Variants in SLC28A1 observed in about 807,000 individuals in gnomAD.
SLC28A1 encodes the protein sodium/nucleoside cotransporter 1.
In SLC28A1, 64 loss-of-function variants were observed where a neutral mutation model predicts 74.8. The ratio of observed to expected loss-of-function variants is 0.86; its 90% CI spans 0.70 to 1.05. The LOEUF (loss-of-function observed/expected upper bound fraction) is 1.05. Among genes scored for constraint, SLC28A1 ranks in the 50% least tolerant of loss-of-function variants. The pLI is 0.00. For synonymous variants in SLC28A1, 359 were observed against 335.0 expected (o/e 1.07, Z -0.78); for missense variants, 828 against 822.8 (o/e 1.01, Z -0.08).
rs1181072560 is a variant in SLC28A1 at position 84,918,669 on chromosome 15, C to A, written c.876+65C>A. 23 of 1,205,582 alleles carry A rather than the reference C, an allele frequency of 1.9e-5. No individual in the cohort carries two copies. In the East Asian group the frequency reaches 5.3e-4, roughly 28 times the overall value. 74.7% of individuals were successfully genotyped at this position (1,205,582 alleles called of 1,614,324 possible). The stretch of plus-strand genomic sequence containing the variant: ...CACCAGCTCACAGGGTTCACACTGT[C>A]CCAGAATGCCTTGCTCCCAGAGCCC... On this transcript the variant is annotated intron_variant, in intron 10 of 18. Coordinates refer to ENST00000394573, the MANE Select transcript of SLC28A1 (RefSeq NM_004213.5).
At chr15:84,900,110 A>G (rs1966500286) in intron 6 of SLC28A1, among the ~76,000 whole-genome samples, 2 of 152,066 alleles carry the variant, frequency 1.3e-5, no homozygotes, top group Non-Finnish European at 2.9e-5. Flanking sequence ...TAAGCCCAGG[A>G]GTTCAAGACC....
Position 84,935,041 on chromosome 15 carries a change from C to T in SLC28A1, c.1230C>T (p.Leu410=), listed in dbSNP as rs1258387945. ...CCAACAACAGAGATGCTCAGAACCT[C>T]ATAGAAGCAGCCAGCACTGGGGCCG... ...VKLTYGDAQN[L]IEAASTGAAI... is the part of the protein sequence containing the mutation. The change falls in exon 14 of 19, where the codon CTC becomes CTT. Residue 410 remains leucine, a synonymous_variant. Coordinates refer to ENST00000394573, the MANE Select transcript of SLC28A1 (RefSeq NM_004213.5). 7 of 1,614,110 alleles carry T rather than the reference C, an allele frequency of 4.3e-6. No individual in the cohort carries two copies. Among genetic ancestry groups the T allele is most frequent in the Non-Finnish European group, 5.9e-6 (7 of 1,179,942 alleles).
rs570116442 is a variant in SLC28A1 at position 84,918,754 on chromosome 15, G to T, written c.876+150G>T. Reference sequence around the variant, plus strand: ...ACCCTTCCAGAGTCCCCTGTTCCCAGTGCCTCCACCTTCCCAGAATCCCCA... The same window carrying T: ...ACCCTTCCAGAGTCCCCTGTTCCCATTGCCTCCACCTTCCCAGAATCCCCA... On this transcript the variant is annotated intron_variant, in intron 10 of 18. Coordinates refer to ENST00000394573, the MANE Select transcript of SLC28A1 (RefSeq NM_004213.5). The T allele has an allele frequency of 7.6e-5, 56 of 732,240 alleles. No homozygotes were observed. The African/African-American group carries it at 9.1e-4, about 12-fold the overall frequency. The allele number at this position is 732,240 out of a possible 1,614,324, so 45.4% of individuals were successfully genotyped here.
chr15:84,925,611 A>T (rs1389954391), intron 12 of SLC28A1, among the ~76,000 whole-genome samples: 2 of 152,134 alleles, frequency 1.3e-5, no homozygotes, highest in Non-Finnish European at 2.9e-5. Flanking sequence ...AAAAAAGAAA[A>T]GAAATGATGG....
intron 12 of SLC28A1, among the ~76,000 whole-genome samples, chr15:84,926,222 A>T (rs1052380639): frequency 5.9e-4 from 90 of 152,020 alleles, no homozygotes; most frequent in African/African-American, 2.0e-3. Flanking sequence ...AGAGAGAGAC[A>T]GAGTTTCCCT....
At chr15:84,908,174 ATTTCTTT>A (rs1967526228) in intron 8 of SLC28A1, among the ~76,000 whole-genome samples, 1 of 65,892 alleles carries the variant, frequency 1.5e-5, no homozygotes, top group Non-Finnish European at 2.9e-5. Flanking sequence ...CTCCCAGAGC[ATTTCTTT>A]TTTTTTTTTT....
chr15:84,910,821 G>C (rs1403462878), intron 9 of SLC28A1, among the ~76,000 whole-genome samples: 1 of 152,214 alleles, frequency 6.6e-6, no homozygotes, highest in Non-Finnish European at 1.5e-5. Flanking sequence ...CAGTAACGGA[G>C]GGGCCTGAGG....
intron 5 of SLC28A1, among the ~76,000 whole-genome samples, chr15:84,893,797 G>T (rs1444117796): frequency 6.6e-6 from 1 of 152,122 alleles, no homozygotes; most frequent in African/African-American, 2.4e-5. Flanking sequence ...TGCTTGCCAC[G>T]CACCACACGG....
chr15:84,939,104 A>G lies in SLC28A1; in HGVS notation c.1581+3586A>G, dbSNP rs140783898. ...GGAGGCTAAGGCAGGAGGCTCACTTAAGACCAGGAGTTCAAGACCAGCCCT... is the reference window on the plus strand; with the variant it reads ...GGAGGCTAAGGCAGGAGGCTCACTTGAGACCAGGAGTTCAAGACCAGCCCT... On this transcript the variant is annotated intron_variant, in intron 15 of 18. Coordinates refer to ENST00000394573, the MANE Select transcript of SLC28A1 (RefSeq NM_004213.5). 1.6e-3 allele frequency among the ~76,000 whole-genome samples: 244 copies of G among 152,284 alleles called. 1 individual carries two copies. Among genetic ancestry groups the G allele is most frequent in the Non-Finnish European group, 2.3e-3 (155 of 68,010 alleles).
intron 7 of SLC28A1, 52 bp downstream of exon 7, chr15:84,904,290 G>A (rs762261127): frequency 1.2e-6 from 2 of 1,610,172 alleles, no homozygotes; most frequent in Admixed American, 1.7e-5. Context: ...TCTCTCTTCT[G>A]CCCCTAGGCT....
At chr15:84,913,477 C>A (rs1968635747) in intron 9 of SLC28A1, among the ~76,000 whole-genome samples, 1 of 152,220 alleles carries the variant, frequency 6.6e-6, no homozygotes, top group South Asian at 2.1e-4. Flanking sequence ...GTCTCCAGGG[C>A]TGTGGTTGTC....
At chr15:84,899,461 C>A (rs999219832) in intron 6 of SLC28A1, among the ~76,000 whole-genome samples, 18 of 151,712 alleles carry the variant, frequency 1.2e-4, no homozygotes, top group Non-Finnish European at 2.4e-4. Flanking sequence ...AAGACTATAC[C>A]AAGGCAATAA....
chr15:84,950,982 G>T, the SLC28A1 span, among the ~76,000 whole-genome samples: 1 of 152,182 alleles, frequency 6.6e-6, no homozygotes, highest in East Asian at 1.9e-4. Flanking sequence ...ACAAAAACAG[G>T]AGGCCAACCT....
chr15:84,935,242 G>A (rs754325114), intron 14 of SLC28A1, 48 bp downstream of exon 14: 1 of 1,612,882 alleles, frequency 6.2e-7, no homozygotes, highest in Non-Finnish European at 8.5e-7. Context: ...ATGGCCCCAG[G>A]TGGGTGGTGA....
At chr15:84,895,530 A>G in intron 6 of SLC28A1, 1 of 1,557,642 alleles carries the variant, frequency 6.4e-7, no homozygotes, top group East Asian at 2.4e-5. Flanking sequence ...ATTAGCCTCC[A>G]GGGGATTCTG....
At chr15:84,901,532 AAAC>A (rs1966689856) in intron 6 of SLC28A1, among the ~76,000 whole-genome samples, 2 of 132,004 alleles carry the variant, frequency 1.5e-5, no homozygotes, top group South Asian at 3.2e-4. Context: ...ACAAACAAAC[AAAC>A]AAAAAACAAA....
At chr15:84,926,487 G>C in intron 12 of SLC28A1, 1 of 447,888 alleles carries the variant, frequency 2.2e-6, no homozygotes. Context: ...ACAGGCATGA[G>C]CCATTGCATC....
At chr15:84,928,530 C>CG (rs1203757577) in intron 12 of SLC28A1, among the ~76,000 whole-genome samples, 660 of 6,730 alleles carry the variant, frequency 0.098, 25 homozygotes, top group East Asian at 0.26. Flanking sequence ...TTCGTTCGTT[C>CG]TTTCTTTCTT....
intron 4 of SLC28A1, among the ~76,000 whole-genome samples, chr15:84,889,693 T>TTCCTTCC (rs780878978): frequency 1.7e-3 from 45 of 26,260 alleles, no homozygotes; most frequent in African/African-American, 4.2e-3. Flanking sequence ...TCCTTCCTTC[T>TTCCTTCC]TTCCTTCCTT....
Sources: allele counts gnomAD v4.1 joint callset (sites outside exome capture counted in the v4.1 genomes callset), GRCh38; gene constraint gnomAD v4.1.1; transcripts MANE v1.5; gene names NCBI Gene and HGNC (gene_info 2026-07-23, HGNC 2026-07-21).